Variants in KCNIP1 observed in about 807,000 individuals in gnomAD.
KCNIP1 encodes potassium voltage-gated channel interacting protein 1.
A neutral mutation model predicts 33.0 loss-of-function variants in KCNIP1; 18 were observed. The ratio of observed to expected loss-of-function variants is 0.55; its 90% CI spans 0.38 to 0.81. The LOEUF is 0.81. KCNIP1 is among the 30% of genes least tolerant of loss of function. The pLI, the probability that KCNIP1 is intolerant of heterozygous loss-of-function variation, is 0.00. For synonymous variants in KCNIP1, 93 were observed against 98.3 expected (o/e 0.95, Z 0.32); for missense variants, 238 against 271.6 (o/e 0.88, Z 0.87).
intron 1 of KCNIP1, among the ~76,000 whole-genome samples, chr5:170,438,389 G>A (rs1159125159): frequency 6.6e-6 from 1 of 152,206 alleles, no homozygotes; most frequent in East Asian, 1.9e-4. Context: ...GAGGTGAGGA[G>A]GGTCTCCTGT....
intron 1 of KCNIP1, among the ~76,000 whole-genome samples, chr5:170,682,784 CTTTTTTTTTTT>C (rs70979196): frequency 8.4e-5 from 6 of 71,402 alleles, no homozygotes; most frequent in East Asian, 1.2e-3. Context: ...TTCTTTGTTT[CTTTTTTTTTTT>C]TTTTTTTTTT....
At chr5:170,468,467 A>G (rs1384224072) in intron 1 of KCNIP1, among the ~76,000 whole-genome samples, 1 of 152,204 alleles carries the variant, frequency 6.6e-6, no homozygotes, top group East Asian at 1.9e-4. Flanking sequence ...GTCCATATGA[A>G]TTTGTTACTT....
chr5:170,715,329 G>A (rs1264083709), intron 1 of KCNIP1, among the ~76,000 whole-genome samples: 3 of 152,152 alleles, frequency 2.0e-5, no homozygotes, highest in African/African-American at 7.2e-5. Flanking sequence ...ATTTCTCAGA[G>A]CGTATCCCTG....
chr5:170,503,344 A>T (rs1324316688), upstream of KCNIP1, among the ~76,000 whole-genome samples: 1 of 150,692 alleles, frequency 6.6e-6, no homozygotes, highest in Non-Finnish European at 1.5e-5. Context: ...CAGTGAGCAG[A>T]GATCGCACCA....
chr5:170,611,421 C>T (rs917059933), intron 1 of KCNIP1, among the ~76,000 whole-genome samples: 7 of 152,224 alleles, frequency 4.6e-5, no homozygotes, highest in Non-Finnish European at 7.3e-5. Context: ...AAGTACCACA[C>T]TACGAAGTGC....
intron 1 of KCNIP1, among the ~76,000 whole-genome samples, chr5:170,366,191 C>T (rs1763654833): frequency 6.6e-6 from 1 of 152,202 alleles, no homozygotes; most frequent in African/African-American, 2.4e-5. Context: ...TGTCCAGAAC[C>T]TTTAAAATCT....
At chr5:170,602,874 A>G (rs1258296203) in intron 1 of KCNIP1, among the ~76,000 whole-genome samples, 5 of 152,202 alleles carry the variant, frequency 3.3e-5, no homozygotes, top group Non-Finnish European at 7.3e-5. Context: ...GCAAGCCCTG[A>G]GCTTTCTGAT....
chr5:170,611,414 TACCAC>T (rs1353899344), intron 1 of KCNIP1, among the ~76,000 whole-genome samples: 1 of 152,184 alleles, frequency 6.6e-6, no homozygotes, highest in East Asian at 1.9e-4. Flanking sequence ...CCATGAAAAG[TACCAC>T]ACTACGAAGT....
intron 1 of KCNIP1, chr5:170,374,682 G>A (rs1763938901): frequency 6.6e-6 from 1 of 152,182 alleles, no homozygotes; most frequent in Non-Finnish European, 1.5e-5. Context: ...CATTAGCAGA[G>A]TGGTTTATTA....
intron 1 of KCNIP1, among the ~76,000 whole-genome samples, chr5:170,370,919 C>T (rs1763825639): frequency 1.3e-5 from 2 of 152,170 alleles, no homozygotes; most frequent in Non-Finnish European, 2.9e-5. Context: ...GAAGGTATGA[C>T]ATGGCCTAAG....
At chr5:170,670,607 C>G (rs994321463) in intron 1 of KCNIP1, among the ~76,000 whole-genome samples, 5 of 152,106 alleles carry the variant, frequency 3.3e-5, no homozygotes, top group African/African-American at 9.7e-5. Flanking sequence ...AAGAGAACAT[C>G]CTGGGCCAGG....
chr5:170,568,794 G>A (rs1051804099), intron 1 of KCNIP1, among the ~76,000 whole-genome samples: 2 of 151,734 alleles, frequency 1.3e-5, no homozygotes, highest in East Asian at 1.9e-4. Context: ...CTGCACTCCC[G>A]CCTGGTTGAC....
intron 1 of KCNIP1, among the ~76,000 whole-genome samples, chr5:170,518,155 G>A (rs886351799): frequency 9.9e-5 from 15 of 152,098 alleles, no homozygotes; most frequent in African/African-American, 3.1e-4. Flanking sequence ...GGCTGATGGT[G>A]GTGACAGTGG....
At chr5:170,372,713 C>A (rs556599577) in intron 1 of KCNIP1, among the ~76,000 whole-genome samples, 77 of 152,300 alleles carry the variant, frequency 5.1e-4, no homozygotes, top group African/African-American at 1.7e-3. Context: ...GTCTTACTGG[C>A]ACTTGGAGAA....
intron 1 of KCNIP1, among the ~76,000 whole-genome samples, chr5:170,521,986 G>A (rs1755379671): frequency 1.3e-5 from 2 of 152,212 alleles, no homozygotes; most frequent in Admixed American, 1.3e-4. Context: ...CAGAAAATGT[G>A]GTCTCTGGCC....
upstream of KCNIP1, among the ~76,000 whole-genome samples, chr5:170,500,775 C>T (rs537489205): frequency 1.3e-5 from 2 of 152,320 alleles, no homozygotes; most frequent in South Asian, 2.1e-4. Context: ...ATACCCATGT[C>T]ACAAGGCGTC....
intron 5 of KCNIP1, among the ~76,000 whole-genome samples, chr5:170,726,464 C>G (rs1401632436): frequency 6.6e-6 from 1 of 152,092 alleles, no homozygotes; most frequent in African/African-American, 2.4e-5. Flanking sequence ...ATTAAAAAGA[C>G]TGATAATACC....
In KCNIP1 at chr5:170,538,529, G is replaced by T. The variant is rs114969948; in HGVS notation, c.61+33896G>T. Among the ~76,000 whole-genome samples the T allele has an allele frequency of 6.8e-3, 1,032 of 152,010 alleles. 15 individuals carry two copies. Among genetic ancestry groups the T allele is most frequent in the African/African-American group, 0.023 (967 of 41,486 alleles). On this transcript the variant is annotated intron_variant, in intron 1 of 7. Transcript: ENST00000328939. ...CTGTTGGAATGAGGGTCACAAGAGG[G>T]TCTGTCTGTCCACACACACAGTTGT...
At chr5:170,393,118 T>A (rs1347876528) in intron 1 of KCNIP1, among the ~76,000 whole-genome samples, 1 of 152,174 alleles carries the variant, frequency 6.6e-6, no homozygotes, top group Non-Finnish European at 1.5e-5. Flanking sequence ...AGTGCACCTG[T>A]GCCCGCTGAC....
Sources: allele counts gnomAD v4.1 joint callset (sites outside exome capture counted in the v4.1 genomes callset), GRCh38; gene constraint gnomAD v4.1.1; transcripts MANE v1.5; gene names NCBI Gene and HGNC (gene_info 2026-07-23, HGNC 2026-07-21).